TAF5: variants seen among roughly 807,000 people sequenced by gnomAD.
TAF5 encodes TATA-box binding protein associated factor 5.
TAF5 carries 20 observed loss-of-function variants against 80.9 expected under a neutral mutation model. The observed-to-expected ratio is 0.25, with a 90% CI of 0.17 to 0.36. The LOEUF is 0.36. Among genes scored for constraint, TAF5 ranks in the 10% least tolerant of loss-of-function variants. The pLI is 1.00. For synonymous variants in TAF5, 388 were observed against 406.4 expected, an observed-to-expected ratio of 0.95 and a Z score of 0.55; for missense variants, 863 against 1,029.4, an observed-to-expected ratio of 0.84 and a Z score of 2.21.
intron 8 of TAF5, among the ~76,000 whole-genome samples, chr10:103,385,936 A>G (rs1010936469): frequency 8.6e-5 from 13 of 150,994 alleles, no homozygotes; most frequent in African/African-American, 3.1e-4. Context: ...AAAAAAAAAA[A>G]AAAAAAAAAA....
chr10:103,380,821 G>A (rs1482067036), intron 5 of TAF5, among the ~76,000 whole-genome samples: 6 of 151,770 alleles, frequency 4.0e-5, no homozygotes, highest in Non-Finnish European at 7.4e-5. Context: ...GGATTTTGCC[G>A]TGTTGCCCAG....
At chr10:103,375,805 C>A (rs1052619570) in intron 2 of TAF5, among the ~76,000 whole-genome samples, 1 of 152,034 alleles carries the variant, frequency 6.6e-6, no homozygotes, top group Non-Finnish European at 1.5e-5. Context: ...TGCCTGTAAT[C>A]CCAGCACTTT....
chr10:103,379,420 C>T (rs1481764022), intron 3 of TAF5, among the ~76,000 whole-genome samples, 188 bp from the exon 4 acceptor site: 1 of 152,150 alleles, frequency 6.6e-6, no homozygotes, highest in Non-Finnish European at 1.5e-5. Context: ...GAGCACATTG[C>T]TACTCCAATA....
intron 2 of TAF5, among the ~76,000 whole-genome samples, chr10:103,375,196 T>C (rs1013068571): frequency 6.7e-6 from 1 of 150,018 alleles, no homozygotes; most frequent in African/African-American, 2.5e-5. Flanking sequence ...GGAGCAGGAA[T>C]ACTAAATGTT....
At position 103,383,238 on chromosome 10, in the gene TAF5, A is replaced by G; in HGVS notation, c.1535A>G (p.Asp512Gly). Residue 512 changes from aspartate (D) to glycine (G), a missense_variant and splice_region_variant, in exon 7 of 11, where the codon GAT becomes GGT. By Grantham distance (94) the Asp-to-Gly change is moderately conservative. Transcript: ENST00000369839. ...TATCAATATTTCTGGACCATTTTAG[A>G]TCTTAGTCTTATAGACAAAGAATCA... ...KKLRSVKQAS[D>G]LSLIDKESDD... The G allele has an allele frequency of 6.4e-7, 1 of 1,569,026 alleles. No homozygotes were observed. The highest frequency in any genetic ancestry group is 8.6e-7 in the Non-Finnish European group (1 of 1,164,152).
intron 1 of TAF5, 147 bp from the exon 2 acceptor site, chr10:103,373,211 A>AAT: frequency 1.6e-6 from 1 of 638,692 alleles, no homozygotes; most frequent in Non-Finnish European, 2.6e-6. Flanking sequence ...AAAAAAAAAA[A>AAT]GATTATGTGA....
rs760042289 is a variant in TAF5, at chr10:103,387,565, G to A, written c.2052G>A (p.Leu684=). 2 of 1,614,010 alleles carry A rather than the reference G, an allele frequency of 1.2e-6. No homozygotes were observed. Among genetic ancestry groups the A allele is most frequent in the South Asian group, 2.2e-5 (2 of 91,062 alleles). Residue 684 remains leucine (L), a synonymous_variant, in exon 10 of 11, where the codon CTG becomes CTA. Coordinates refer to ENST00000369839, the MANE Select transcript of TAF5 (RefSeq NM_006951.5). ...SLTFSPNGRF[L]ATGATDGRVL... ...CATTTTCTCCCAATGGGAGATTCCT[G>A]GCTACAGGAGCAACAGATGGCAGAG...
intron 7 of TAF5, among the ~76,000 whole-genome samples, chr10:103,384,483 T>G (rs763689048): frequency 6.6e-6 from 1 of 151,952 alleles, no homozygotes; most frequent in Non-Finnish European, 1.5e-5. Flanking sequence ...GTACAAAAAT[T>G]AGCAGGGTGT....
chr10:103,372,919 C>T (rs944051675), intron 1 of TAF5, among the ~76,000 whole-genome samples: 5 of 150,174 alleles, frequency 3.3e-5, no homozygotes, highest in Non-Finnish European at 1.5e-5. Flanking sequence ...AAAAAGACTA[C>T]GTGGGCCAGG....
At position 103,368,541 on chromosome 10, in the gene TAF5, G is replaced by C; in HGVS notation, c.552G>C (p.Pro184=). ...GTTCAGCCTCAGGTCCTGCGGCTCC[G>C]GGTAAAGGTGAGCCGTGGGGTCCCG... is the stretch of plus-strand genomic sequence containing the variant. The part of the protein sequence containing the change: ...VSGSASGPAA[P]GKVGSVAVED... Residue 184 remains proline, a synonymous_variant, in exon 1 of 11, where the codon CCG becomes CCC. Transcript: ENST00000369839. 6.6e-7 allele frequency: 1 copy of C among 1,517,022 alleles called. No individual in the cohort carries two copies. The allele number at this position is 1,517,022 out of a possible 1,614,324, so 94.0% of individuals were successfully genotyped here. A position where few individuals can be genotyped will look rare whatever the true frequency, so the allele number is the denominator to read the frequency against.
intron 2 of TAF5, among the ~76,000 whole-genome samples, chr10:103,377,201 C>G (rs2093372122): frequency 6.6e-6 from 1 of 152,148 alleles, no homozygotes; most frequent in African/African-American, 2.4e-5. Flanking sequence ...GCTGTCTCCC[C>G]ACATAGGAAG....
Position 103,387,620 on chromosome 10 carries a change from A to T in TAF5, c.2107A>T (p.Met703Leu). The T allele has an allele frequency of 6.2e-7, 1 of 1,614,110 alleles. No homozygotes were observed. The highest frequency in any genetic ancestry group is 8.5e-7 in the Non-Finnish European group (1 of 1,180,028). The change falls in exon 10 of 11, where the codon ATG (methionine) becomes TTG (leucine). Residue 703 changes from methionine (M) to leucine (L), a missense_variant. By Grantham distance (15) the Met-to-Leu change is conservative. This residue lies in a region of TAF5 where 368 missense variants were observed against 461.7 expected (regional missense o/e 0.80). Coordinates refer to ENST00000369839, the MANE Select transcript of TAF5 (RefSeq NM_006951.5). The stretch of plus-strand genomic sequence containing the variant: ...TCTTTGGGATATTGGACATGGTTTG[A>T]TGGTTGGAGAATTAAAAGGCCACAC... ...VLLWDIGHGLMVGELKGHTDT... is the reference protein window; with the variant it reads ...VLLWDIGHGLLVGELKGHTDT...
intron 2 of TAF5, 92 bp downstream of exon 2, chr10:103,373,687 A>G: frequency 1.1e-6 from 1 of 949,474 alleles, no homozygotes; most frequent in Middle Eastern, 2.9e-4. Context: ...ACAAAAATGT[A>G]AGACTGCAAC....
chr10:103,380,618 T>C, intron 5 of TAF5, among the ~76,000 whole-genome samples: 1 of 144,648 alleles, frequency 6.9e-6, no homozygotes, highest in Non-Finnish European at 1.5e-5. Flanking sequence ...TATTTATCAA[T>C]TTTTTTTTTT....
chr10:103,371,585 G>A (rs372643029), intron 1 of TAF5, among the ~76,000 whole-genome samples: 57 of 152,268 alleles, frequency 3.7e-4, no homozygotes, highest in African/African-American at 1.2e-3. Flanking sequence ...AAATACTTAC[G>A]TTTTCTGTTT....
In TAF5 at chr10:103,387,567, C is replaced by T. The variant is rs1332548689; in HGVS notation, c.2054C>T (p.Ala685Val). The T allele has an allele frequency of 4.3e-6, 7 of 1,613,926 alleles. No homozygotes were observed. The highest frequency in any genetic ancestry group is 5.9e-6 in the Non-Finnish European group (7 of 1,180,012). Residue 685 changes from alanine (A) to valine (V), a missense_variant, in exon 10 of 11, where the codon GCT becomes GTT. By Grantham distance (64) the Ala-to-Val change is moderately conservative. This residue lies in a region of TAF5 where 368 missense variants were observed against 461.7 expected (regional missense o/e 0.80). Transcript: ENST00000369839. ...LTFSPNGRFL[A>V]TGATDGRVLL... ...TTTTCTCCCAATGGGAGATTCCTGGCTACAGGAGCAACAGATGGCAGAGTG... is the reference window on the plus strand; with the variant it reads ...TTTTCTCCCAATGGGAGATTCCTGGTTACAGGAGCAACAGATGGCAGAGTG...
chr10:103,373,569 G>A lies in TAF5; in HGVS notation c.771G>A (p.Glu257=), dbSNP rs2093364474. The A allele has an allele frequency of 2.5e-6, 4 of 1,613,924 alleles. No individual in the cohort carries two copies. Among genetic ancestry groups the A allele is most frequent in the Non-Finnish European group, 3.4e-6 (4 of 1,179,948 alleles). The change falls in exon 2 of 11, where the codon GAG becomes GAA. Residue 257 remains glutamate, a synonymous_variant. Transcript: ENST00000369839. ...MYLELVYNQH[E]NEAKSFFEKF... is the part of the protein sequence containing the mutation. The stretch of plus-strand genomic sequence containing the variant: ...TGGAGCTAGTCTACAATCAACATGA[G>A]AATGAAGCAAAGTCATTCTTTGAGA...
rs747160426 is a variant in TAF5 at position 103,387,546 on chromosome 10, C to A, written c.2033C>A (p.Ser678Tyr). 6.2e-7 allele frequency: 1 copy of A among 1,613,336 alleles called. No individual in the cohort carries two copies. Among genetic ancestry groups the A allele is most frequent in the Non-Finnish European group, 8.5e-7 (1 of 1,179,782 alleles). Residue 678 changes from serine (S) to tyrosine (Y), a missense_variant, in exon 10 of 11, where the codon TCT becomes TAT. Transcript: ENST00000369839. ...GGACCAATTCATTCCTTGACATTTT[C>A]TCCCAATGGGAGATTCCTGGCTACA... ...HKGPIHSLTFSPNGRFLATGA... is the reference protein window; with the variant it reads ...HKGPIHSLTFYPNGRFLATGA...
chr10:103,372,510 G>T (rs1218071000), intron 1 of TAF5, among the ~76,000 whole-genome samples: 1 of 148,144 alleles, frequency 6.8e-6, no homozygotes, highest in South Asian at 2.2e-4. Flanking sequence ...AATTTTTTGT[G>T]TTTTTAGTAG....
Sources: allele counts gnomAD v4.1 joint callset (sites outside exome capture counted in the v4.1 genomes callset), GRCh38; gene constraint gnomAD v4.1.1; regional missense constraint gnomAD v4.1.1; transcripts MANE v1.5; gene names NCBI Gene and HGNC (gene_info 2026-07-23, HGNC 2026-07-21).